The following CDK14 variants were observed in gnomAD, a reference collection of about 807,000 sequenced individuals.
The protein encoded by CDK14 is cyclin dependent kinase 14, also known as cyclin-dependent kinase 14.
A neutral mutation model predicts 60.7 loss-of-function variants in CDK14; 34 were observed. The observed-to-expected ratio is 0.56, with a 90% confidence interval of 0.43 to 0.75. CDK14 has a LOEUF of 0.75. Among genes scored for constraint, CDK14 ranks in the 30% least tolerant of loss-of-function variants. The pLI is 0.00. For synonymous variants in CDK14, 197 were observed against 203.7 expected (o/e 0.97, Z 0.28); for missense variants, 482 against 564.1 (o/e 0.85, Z 1.47).
chr7:90,846,947 A>G (rs1264134186), intron 5 of CDK14, among the ~76,000 whole-genome samples: 1 of 152,090 alleles, frequency 6.6e-6, no homozygotes, highest in East Asian at 1.9e-4. Context: ...TCCTGTGTGG[A>G]GTAGAGGCAA....
At chr7:91,086,666 T>C (rs1302664974) in intron 12 of CDK14, among the ~76,000 whole-genome samples, 1 of 151,588 alleles carries the variant, frequency 6.6e-6, no homozygotes, top group Non-Finnish European at 1.5e-5. Flanking sequence ...TGTGGGTGTG[T>C]GTGTGTGTGT....
rs769255267 is a variant in CDK14, at chr7:91,207,768, A to G, written c.*632A>G. On this transcript the variant is annotated 3_prime_UTR_variant, in exon 15 of 15. Transcript: ENST00000380050. ...CTTGGAAATAACTGCACATTTATAT[A>G]TAGGATATTGGACTCTGCTTAGCAT... The G allele has an allele frequency of 3.9e-5, 6 of 152,780 alleles. No homozygotes were observed. Among genetic ancestry groups the G allele is most frequent in the Non-Finnish European group, 8.8e-5 (6 of 68,046 alleles). The allele number at this position is 152,780 out of a possible 1,614,324, so 9.5% of individuals were successfully genotyped here. A position where few individuals can be genotyped will look rare whatever the true frequency, so the allele number is the denominator to read the frequency against.
chr7:90,994,707 AAG>A (rs1795632426), intron 10 of CDK14, among the ~76,000 whole-genome samples: 1 of 152,198 alleles, frequency 6.6e-6, no homozygotes, highest in Admixed American at 6.5e-5. Context: ...ATGAATTGTC[AAG>A]AGTGTTACTT....
At chr7:90,812,185 C>G (rs1789149584) in intron 5 of CDK14, among the ~76,000 whole-genome samples, 1 of 152,128 alleles carries the variant, frequency 6.6e-6, no homozygotes, top group South Asian at 2.1e-4. Flanking sequence ...TATTGTGGCA[C>G]TATTAGCAAT....
chr7:90,737,922 A>G (rs973168623), intron 3 of CDK14, among the ~76,000 whole-genome samples: 5 of 152,202 alleles, frequency 3.3e-5, no homozygotes, highest in Admixed American at 1.3e-4. Context: ...TCAGTTTTCA[A>G]TGAAGTCAGT....
chr7:90,603,989 T>C (rs1395840576), intron 1 of CDK14, among the ~76,000 whole-genome samples: 2 of 152,256 alleles, frequency 1.3e-5, no homozygotes, highest in Non-Finnish European at 2.9e-5. Context: ...TCTGGGAGGA[T>C]AGTTCTATTT....
At chr7:90,655,187 G>A (rs1800726666) in intron 2 of CDK14, among the ~76,000 whole-genome samples, 1 of 152,114 alleles carries the variant, frequency 6.6e-6, no homozygotes, top group South Asian at 2.1e-4. Flanking sequence ...TCACTGAGTG[G>A]TATTCCATTG....
At chr7:90,692,148 T>C (rs1233353057) in intron 2 of CDK14, among the ~76,000 whole-genome samples, 2 of 152,220 alleles carry the variant, frequency 1.3e-5, no homozygotes, top group Admixed American at 6.5e-5. Context: ...TAAAGATACA[T>C]TTGATTGCAA....
At chr7:90,695,647 G>C (rs971292067) in intron 2 of CDK14, among the ~76,000 whole-genome samples, 7 of 152,096 alleles carry the variant, frequency 4.6e-5, no homozygotes, top group African/African-American at 1.4e-4. Context: ...ATGGGAGGTG[G>C]GTGTTGATAA....
chr7:91,033,195 C>G (rs1562876294), intron 10 of CDK14, among the ~76,000 whole-genome samples: 1 of 152,098 alleles, frequency 6.6e-6, no homozygotes, highest in African/African-American at 2.4e-5. Context: ...CTTGGAGCTA[C>G]CTAATCTATA....
At chr7:91,001,918 G>A (rs1404866462) in intron 10 of CDK14, among the ~76,000 whole-genome samples, 2 of 152,184 alleles carry the variant, frequency 1.3e-5, no homozygotes, top group African/African-American at 4.8e-5. Context: ...CATTTGTAAT[G>A]AACTAATGGA....
chr7:90,847,335 G>A (rs1790502051), intron 5 of CDK14, among the ~76,000 whole-genome samples: 1 of 151,994 alleles, frequency 6.6e-6, no homozygotes, highest in South Asian at 2.1e-4. Flanking sequence ...TGTTAAATAA[G>A]TACCTGCCTT....
At chr7:90,772,241 C>T (rs1470516697) in intron 4 of CDK14, among the ~76,000 whole-genome samples, 1 of 152,240 alleles carries the variant, frequency 6.6e-6, no homozygotes, top group Non-Finnish European at 1.5e-5. Context: ...CAGGCCTCTA[C>T]ACTGCTTTCT....
intron 2 of CDK14, among the ~76,000 whole-genome samples, chr7:90,672,535 T>TA (rs1801119072): frequency 1.1e-5 from 1 of 88,186 alleles, no homozygotes; most frequent in African/African-American, 4.5e-5. Flanking sequence ...TTTTTTTTTT[T>TA]TAATAATTTG....
At chr7:90,932,829 T>A (rs1793634772) in intron 8 of CDK14, among the ~76,000 whole-genome samples, 1 of 152,204 alleles carries the variant, frequency 6.6e-6, no homozygotes, top group African/African-American at 2.4e-5. Context: ...GATCTACTTC[T>A]GAGCTCACAT....
At chr7:90,834,862 A>G (rs1157027256) in intron 5 of CDK14, among the ~76,000 whole-genome samples, 3 of 152,190 alleles carry the variant, frequency 2.0e-5, no homozygotes, top group Non-Finnish European at 4.4e-5. Context: ...CATGATGTCT[A>G]GTTGGCAGCT....
intron 11 of CDK14, among the ~76,000 whole-genome samples, chr7:91,057,905 A>G (rs1463176689): frequency 6.6e-6 from 1 of 152,074 alleles, no homozygotes; most frequent in Admixed American, 6.5e-5. Context: ...TTTTGGTTCC[A>G]TATGAACTTT....
At chr7:90,869,116 G>A (rs1223097854) in intron 6 of CDK14, among the ~76,000 whole-genome samples, 1 of 152,150 alleles carries the variant, frequency 6.6e-6, no homozygotes, top group African/African-American at 2.4e-5. Context: ...ATGATTTTAT[G>A]CCACATCTGT....
chr7:90,980,632 T>C (rs1394801457), intron 9 of CDK14, among the ~76,000 whole-genome samples: 1 of 152,210 alleles, frequency 6.6e-6, no homozygotes, highest in African/African-American at 2.4e-5. Flanking sequence ...CACATACTTT[T>C]TAATTTTCTT....
Sources: gnomAD v4.1 joint callset for allele counts (sites outside exome capture counted in the v4.1 genomes callset) on GRCh38, gnomAD v4.1.1 for gene constraint, MANE v1.5 for transcripts, NCBI Gene and HGNC (gene_info 2026-07-23, HGNC 2026-07-21) for gene names.